The following UBTF variants were observed in gnomAD, a reference collection of about 807,000 sequenced individuals.
UBTF encodes the protein upstream binding transcription factor, also known as nucleolar transcription factor 1.
UBTF carries 8 observed loss-of-function variants against 112.3 expected under a neutral mutation model. The ratio of observed to expected loss-of-function variants is 0.07; its 90% CI spans 0.04 to 0.13. UBTF has a LOEUF of 0.13. Among genes scored for constraint, UBTF ranks in the 10% least tolerant of loss-of-function variants. The probability of loss-of-function intolerance (pLI) is 1.00; values close to 1 mark genes in which losing one functional copy is unlikely to be tolerated. For missense variants in UBTF, 457 were observed against 982.1 expected (o/e 0.47, Z 7.15); for synonymous variants, 417 against 373.1 (o/e 1.12, Z -1.36).
Position 44,211,278 on chromosome 17 carries a change from AG to A in UBTF, c.1089+11del, listed in dbSNP as rs1406994350. 1.2e-6 allele frequency: 2 copies of A among 1,614,096 alleles called. No individual in the cohort carries two copies. Among genetic ancestry groups the A allele is most frequent in the Non-Finnish European group, 1.7e-6 (2 of 1,180,044 alleles). ...TCTTCTCTGCCCACTGCCCCACCGG[AG>A]GAACACTCACCTCGAGGAAACGGAG... On this transcript the variant is annotated intron_variant, in intron 11 of 20. Transcript: ENST00000436088. The surrounding 1 kb of genome is among the most constrained non-coding windows in gnomAD (Gnocchi z 4.9).
intron 1 of UBTF, 148 bp downstream of exon 1, chr17:44,219,297 G>C (rs1382399126): frequency 6.6e-6 from 1 of 150,690 alleles, no homozygotes; most frequent in Admixed American, 6.6e-5. Flanking sequence ...CCCGGCTCTC[G>C]GCGTCCTCCC....
At chr17:44,207,816 C>A (rs2056358562) in intron 18 of UBTF, 46 bp from the exon 19 acceptor site, 1 of 1,614,050 alleles carries the variant, frequency 6.2e-7, no homozygotes, top group African/African-American at 1.3e-5. Flanking sequence ...TTCGACACCC[C>A]TGAATTCCCC....
At chr17:44,216,091 A>C (rs2144551060) in intron 3 of UBTF, 102 bp from the exon 4 acceptor site, 1 of 946,012 alleles carries the variant, frequency 1.1e-6, no homozygotes, top group East Asian at 2.5e-5. Flanking sequence ...TCTTTACTAG[A>C]CTAAATTTAC....
chr17:44,219,610 C>A lies in UBTF; in HGVS notation c.-233G>T. The A allele has an allele frequency of 2.1e-5, 1 of 48,206 alleles. No homozygotes were observed. Among genetic ancestry groups the A allele is most frequent in the Non-Finnish European group, 3.3e-5 (1 of 30,334 alleles). 3.0% of individuals were successfully genotyped at this position (48,206 alleles called of 1,614,324 possible). A position where few individuals can be genotyped will look rare whatever the true frequency, so the allele number is the denominator to read the frequency against. ...GGCGCTGGGGCGGCGGCTGCTGCTG[C>A]TGTGGCGGCGGCGGCGGCGGCGGCG... On this transcript the variant is annotated 5_prime_UTR_variant, in exon 1 of 21. Transcript: ENST00000436088.
chr17:44,215,622 C>T (rs752169741), intron 5 of UBTF, 32 bp downstream of exon 5: 2 of 1,610,976 alleles, frequency 1.2e-6, no homozygotes, highest in Non-Finnish European at 1.7e-6. Flanking sequence ...CCAGCCTCTC[C>T]CCTCCTCCCA....
At chr17:44,208,092 ATTTTTTTTTTTTTTTT>A (rs57107684) in intron 17 of UBTF, among the ~76,000 whole-genome samples, 181 bp from the exon 18 acceptor site, 5 of 117,994 alleles carry the variant, frequency 4.2e-5, no homozygotes, top group Admixed American at 1.8e-4. Flanking sequence ...CACAGCTCTA[ATTTTTTTTTTTTTTTT>A]TTTTTTTTTT....
intron 5 of UBTF, among the ~76,000 whole-genome samples, chr17:44,214,592 G>A (rs937668547): frequency 6.6e-6 from 1 of 152,112 alleles, no homozygotes; most frequent in East Asian, 1.9e-4. Flanking sequence ...CTCATCAAAG[G>A]GGTCAACAGT....
Position 44,207,332 on chromosome 17 carries a change from C to CTCG in UBTF, c.2202_2204dup (p.Asp734dup). On this transcript the variant is annotated inframe_insertion, in exon 21 of 21. Transcript: ENST00000436088. ...CATTATCTTCATCCTCATCGTCATC[C>CTCG]TCGTCGTCGTCTTCGTCCTCGTCAT... 6.2e-7 allele frequency: 1 copy of CTCG among 1,612,538 alleles called. No individual in the cohort carries two copies. Among genetic ancestry groups the CTCG allele is most frequent in the Non-Finnish European group, 8.5e-7 (1 of 1,179,374 alleles).
chr17:44,209,713 C>T lies in UBTF; in HGVS notation c.1647G>A (p.Arg549=), dbSNP rs1340923440. 6.2e-7 allele frequency: 1 copy of T among 1,614,150 alleles called. No individual in the cohort carries two copies. Among genetic ancestry groups the T allele is most frequent in the Non-Finnish European group, 8.5e-7 (1 of 1,180,020 alleles). ...AAGAATTTGTAGCAGCTGGAGGTGCCCGCATCTCACTCAGCTCTCTCTGGA... is the reference window on the plus strand; with the variant it reads ...AAGAATTTGTAGCAGCTGGAGGTGCTCGCATCTCACTCAGCTCTCTCTGGA... ...KRYERELSEM[R]APPAATNSSK... Residue 549 remains arginine, a synonymous_variant, in exon 16 of 21, where the codon CGG becomes CGA. Coordinates refer to ENST00000436088, the MANE Select transcript of UBTF (RefSeq NM_014233.4).
chr17:44,218,762 C>T (rs1453670404), intron 1 of UBTF, among the ~76,000 whole-genome samples: 1 of 151,448 alleles, frequency 6.6e-6, no homozygotes, highest in Non-Finnish European at 1.5e-5. Flanking sequence ...CCGGTTCCCC[C>T]CGCCTCCGCA....
intron 3 of UBTF, 125 bp from the exon 4 acceptor site, chr17:44,216,114 G>A (rs913214125): frequency 1.8e-5 from 14 of 781,996 alleles, no homozygotes; most frequent in South Asian, 3.3e-5. Context: ...AAGAAGAGCA[G>A]AGGCCAACAG....
At chr17:44,218,853 G>C (rs1252513989) in intron 1 of UBTF, among the ~76,000 whole-genome samples, 3 of 150,388 alleles carry the variant, frequency 2.0e-5, no homozygotes, top group Non-Finnish European at 4.5e-5. Context: ...GACCGGATCC[G>C]GATTCCCGCC....
At chr17:44,208,652 C>G (rs894317716) in intron 17 of UBTF, 2 of 161,048 alleles carry the variant, frequency 1.2e-5, no homozygotes, top group African/African-American at 4.8e-5. Flanking sequence ...CCACAGTCTT[C>G]CTGGGTCCTT....
At chr17:44,218,999 C>T (rs1190222515) in intron 1 of UBTF, 2 of 150,204 alleles carry the variant, frequency 1.3e-5, no homozygotes, top group Admixed American at 6.6e-5. Flanking sequence ...CCAGCCACCC[C>T]GACGCGCACG....
chr17:44,218,049 A>C, intron 2 of UBTF, 123 bp downstream of exon 2: 1 of 989,930 alleles, frequency 1.0e-6, no homozygotes, highest in Non-Finnish European at 1.6e-6. Flanking sequence ...TAAATACTCA[A>C]GGCACTTTCT....
rs2144563128 is a variant in UBTF, at chr17:44,219,674, A to G, written c.-297T>C. On this transcript the variant is annotated 5_prime_UTR_variant, in exon 1 of 21. Coordinates refer to ENST00000436088, the MANE Select transcript of UBTF (RefSeq NM_014233.4). ...CCTGCTGCTCCTCGCGGCGAAAAGC[A>G]CAAAGCACAGCGCCCTCCGCCTGCA... 6.6e-6 allele frequency: 1 copy of G among 151,108 alleles called. No homozygotes were observed. Among genetic ancestry groups the G allele is most frequent in the South Asian group, 1.8e-4 (1 of 5,432 alleles). The allele number at this position is 151,108 out of a possible 1,614,324, so 9.4% of individuals were successfully genotyped here. A position where few individuals can be genotyped will look rare whatever the true frequency, so the allele number is the denominator to read the frequency against.
chr17:44,211,275 C>G lies in UBTF; in HGVS notation c.1089+15G>C. ...CAGTCTTCTCTGCCCACTGCCCCACCGGAGGAACACTCACCTCGAGGAAAC... is the reference window on the plus strand; with the variant it reads ...CAGTCTTCTCTGCCCACTGCCCCACGGGAGGAACACTCACCTCGAGGAAAC... On this transcript the variant is annotated intron_variant, in intron 11 of 20. Coordinates refer to ENST00000436088, the MANE Select transcript of UBTF (RefSeq NM_014233.4). The surrounding 1 kb of genome is among the most constrained non-coding windows in gnomAD (Gnocchi z 4.9). The G allele has an allele frequency of 6.2e-7, 1 of 1,614,220 alleles. No individual in the cohort carries two copies.
chr17:44,208,089 C>T (rs2056385430), intron 17 of UBTF, among the ~76,000 whole-genome samples, 178 bp from the exon 18 acceptor site: 1 of 124,156 alleles, frequency 8.1e-6, no homozygotes, highest in African/African-American at 3.5e-5. Flanking sequence ...GAACACAGCT[C>T]TAATTTTTTT....
At chr17:44,215,411 G>A (rs1272749182) in intron 5 of UBTF, 1 of 530,886 alleles carries the variant, frequency 1.9e-6, no homozygotes, top group African/African-American at 1.9e-5. Context: ...TGGGTTTTCT[G>A]TAGGGGGAAA....
Sources: allele counts gnomAD v4.1 joint callset (sites outside exome capture counted in the v4.1 genomes callset), GRCh38; gene constraint gnomAD v4.1.1; non-coding constraint Gnocchi (gnomAD v3.1); transcripts MANE v1.5; gene names NCBI Gene and HGNC (gene_info 2026-07-23, HGNC 2026-07-21).